ABCA1: variants seen among roughly 807,000 people sequenced by gnomAD.
The protein encoded by ABCA1 is ATP binding cassette subfamily A member 1, also known as phospholipid-transporting ATPase ABCA1.
Under a neutral mutation model 262.5 loss-of-function variants are expected in ABCA1, and 133 were observed. The ratio of observed to expected loss-of-function variants is 0.51; its 90% confidence interval spans 0.44 to 0.59. The LOEUF (loss-of-function observed/expected upper bound fraction) is 0.59. Ranked by LOEUF, ABCA1 falls within the 20% of genes least tolerant of loss-of-function variation. The probability of loss-of-function intolerance (pLI) is 0.00; values close to 1 mark genes in which losing one functional copy is unlikely to be tolerated. For missense variants in ABCA1, 2,452 were observed against 2,777.5 expected (o/e 0.88, Z 2.63); for synonymous variants, 1,022 against 1,043.5 (o/e 0.98, Z 0.40).
chr9:104,869,424 C>G (rs1199578392), intron 5 of ABCA1, among the ~76,000 whole-genome samples: 1 of 152,122 alleles, frequency 6.6e-6, no homozygotes, highest in African/African-American at 2.4e-5. Flanking sequence ...GCTTGTCCAG[C>G]CTTACAAATA....
chr9:104,784,108 C>G lies in ABCA1; in HGVS notation c.*207G>C, dbSNP rs768343668. 1 of 601,268 alleles carries G rather than the reference C, an allele frequency of 1.7e-6. No homozygotes were observed. Among genetic ancestry groups the G allele is most frequent in the Non-Finnish European group, 2.9e-6 (1 of 347,004 alleles). 37.2% of individuals were successfully genotyped at this position (601,268 alleles called of 1,614,324 possible). On this transcript the variant is annotated 3_prime_UTR_variant, in exon 50 of 50. Coordinates refer to ENST00000374736, the MANE Select transcript of ABCA1 (RefSeq NM_005502.4). ...TCAAGTCTTTCACTTGAGAGCCATA[C>G]AAGACATAGGCTACAAAGGCACTGC... is the stretch of plus-strand genomic sequence containing the variant.
intron 5 of ABCA1, among the ~76,000 whole-genome samples, chr9:104,869,553 C>A (rs563461043): frequency 6.6e-6 from 1 of 152,140 alleles, no homozygotes; most frequent in Non-Finnish European, 1.5e-5. Flanking sequence ...GAAGAATAGA[C>A]GATGCCTGCT....
At chr9:104,847,058 C>A (rs1449181421) in intron 7 of ABCA1, among the ~76,000 whole-genome samples, 1 of 152,078 alleles carries the variant, frequency 6.6e-6, no homozygotes, top group Non-Finnish European at 1.5e-5. Context: ...GTTAGGCCTA[C>A]AAGATGACAG....
At chr9:104,829,490 A>C (rs1022240273) in intron 14 of ABCA1, among the ~76,000 whole-genome samples, 1 of 152,250 alleles carries the variant, frequency 6.6e-6, no homozygotes, top group Non-Finnish European at 1.5e-5. Context: ...CTCCAAGGTC[A>C]TCTCACTATT....
intron 22 of ABCA1, 69 bp downstream of exon 22, chr9:104,819,517 A>G (rs1450616759): frequency 1.5e-5 from 24 of 1,607,262 alleles, no homozygotes; most frequent in Non-Finnish European, 2.0e-5. Context: ...CATGAGATAC[A>G]GCCACACTTC....
chr9:104,831,811 T>TTGTTCAGGTTGACACAC lies in ABCA1; in HGVS notation c.1510-1_1525dup (p.Lys509SerfsTer5). ...GACTTCTGTTGCTATGGGTTCTAGC[T>TTGTTCAGGTTGACACAC]TGTTCAGGTTGACACACTGATAGAA... is the stretch of plus-strand genomic sequence containing the variant. On this transcript the variant is annotated stop_gained and frameshift_variant, in exon 13 of 50. Transcript: ENST00000374736. LOFTEE classifies it high-confidence loss of function. 1 of 1,614,220 alleles carries TTGTTCAGGTTGACACAC rather than the reference T, an allele frequency of 6.2e-7. No homozygotes were observed. Among genetic ancestry groups the TTGTTCAGGTTGACACAC allele is most frequent in the Non-Finnish European group, 8.5e-7 (1 of 1,180,048 alleles).
intron 1 of ABCA1, among the ~76,000 whole-genome samples, chr9:104,923,318 T>A (rs984996656): frequency 1.3e-5 from 2 of 152,218 alleles, no homozygotes; most frequent in Non-Finnish European, 2.9e-5. Context: ...TAGGAAAACA[T>A]TTTGAGATCA....
intron 25 of ABCA1, 21 bp from the exon 26 acceptor site, chr9:104,814,496 G>A: frequency 4.3e-6 from 7 of 1,612,932 alleles, no homozygotes; most frequent in Non-Finnish European, 5.9e-6. Flanking sequence ...AGAGAGATGA[G>A]AACATTATAA....
At position 104,884,343 on chromosome 9, in the gene ABCA1, C is replaced by T. The variant is rs1838964070; in HGVS notation, c.302+84G>A. ...CAAAAACAACTTCACTTAAATCCAG[C>T]CATTCAAAATTCTCCAGAGGACAAG... On this transcript the variant is annotated intron_variant, in intron 4 of 49. Coordinates refer to ENST00000374736, the MANE Select transcript of ABCA1 (RefSeq NM_005502.4). The T allele has an allele frequency of 5.2e-6, 8 of 1,550,330 alleles. No individual in the cohort carries two copies. The African/African-American group carries it at 1.1e-4, about 21-fold the overall frequency.
At position 104,809,527 on chromosome 9, in the gene ABCA1, A is replaced by G; in HGVS notation, c.4213T>C (p.Leu1405=). 6.2e-7 allele frequency: 1 copy of G among 1,614,218 alleles called. No homozygotes were observed. The highest frequency in any genetic ancestry group is 1.1e-5 in the South Asian group (1 of 91,082). The change falls in exon 30 of 50, where the codon TTA becomes CTA. Residue 1405 remains leucine, a synonymous_variant. Transcript: ENST00000374736. ...CCAGGGTCTTTGGTGAGGGCGTTTAAGAGTTCCAGGGTTCCCGTGTCCTCA... is the reference window on the plus strand; with the variant it reads ...CCAGGGTCTTTGGTGAGGGCGTTTAGGAGTTCCAGGGTTCCCGTGTCCTCA... The part of the protein sequence containing the change: ...APEDTGTLEL[L]NALTKDPGFG...
chr9:104,825,934 A>C, intron 16 of ABCA1, 47 bp from the exon 17 acceptor site: 63 of 1,593,226 alleles, frequency 4.0e-5, no homozygotes, highest in Middle Eastern at 2.1e-4. Context: ...GGTCAGTCTC[A>C]TTTTTCTATC....
At chr9:104,878,097 T>A (rs1266551611) in intron 5 of ABCA1, among the ~76,000 whole-genome samples, 1 of 152,172 alleles carries the variant, frequency 6.6e-6, no homozygotes, top group Non-Finnish European at 1.5e-5. Context: ...CCAGTCTGTA[T>A]CTCACAGAGA....
Position 104,916,102 on chromosome 9 carries a change from G to A in ABCA1, c.-93+11833C>T, listed in dbSNP as rs1405806261. The stretch of plus-strand genomic sequence containing the variant: ...TAATTCCACTAAATTTGCAAATCCT[G>A]CAACAAGACTGACAACTTAATAAAC... On this transcript the variant is annotated intron_variant, in intron 1 of 49. Transcript: ENST00000374736. Among the ~76,000 whole-genome samples, 11 of 152,136 alleles carry A rather than the reference G, an allele frequency of 7.2e-5. No homozygotes were observed. In the East Asian group the frequency reaches 2.1e-3, roughly 29 times the overall value.
chr9:104,787,290 C>T (rs977823578), intron 46 of ABCA1, among the ~76,000 whole-genome samples: 1 of 151,404 alleles, frequency 6.6e-6, no homozygotes, highest in Non-Finnish European at 1.5e-5. Flanking sequence ...TAAGTATATA[C>T]AAAACAACTT....
intron 8 of ABCA1, among the ~76,000 whole-genome samples, chr9:104,841,682 G>C (rs2487065): frequency 0.12 from 17,839 of 152,040 alleles, 1,101 homozygotes; most frequent in Admixed American, 0.17. Context: ...CTACAACAGT[G>C]TGTGGTGAGG....
intron 2 of ABCA1, among the ~76,000 whole-genome samples, chr9:104,896,280 G>A (rs1274768650): frequency 6.6e-6 from 1 of 152,068 alleles, no homozygotes; most frequent in East Asian, 1.9e-4. Context: ...AGTGAGAATG[G>A]ACACATAAAC....
intron 37 of ABCA1, 80 bp downstream of exon 37, chr9:104,798,341 C>T: frequency 1.3e-6 from 2 of 1,507,678 alleles, no homozygotes; most frequent in Non-Finnish European, 1.8e-6. Flanking sequence ...CTGATGATAG[C>T]CAGAGCTCTT....
intron 11 of ABCA1, among the ~76,000 whole-genome samples, chr9:104,833,470 C>T (rs1833528493): frequency 6.6e-6 from 1 of 152,184 alleles, no homozygotes; most frequent in Non-Finnish European, 1.5e-5. Flanking sequence ...GCACAAGCCA[C>T]CAGCCCAGTG....
rs933547351 is a variant in ABCA1 at position 104,881,855 on chromosome 9, G to A, written c.421+1184C>T. On this transcript the variant is annotated intron_variant, in intron 5 of 49. Coordinates refer to ENST00000374736, the MANE Select transcript of ABCA1 (RefSeq NM_005502.4). The stretch of plus-strand genomic sequence containing the variant: ...GAAACAGCATCTCGATGGCCTGGCT[G>A]CACAGCCAGGAGTTGTCTAAGTGGA... Among the ~76,000 whole-genome samples the A allele has an allele frequency of 1.1e-4, 17 of 151,848 alleles. 2 individuals are homozygous for A. Among genetic ancestry groups the A allele is most frequent in the Admixed American group, 1.0e-3 (16 of 15,264 alleles).
Sources: gnomAD v4.1 joint callset for allele counts (sites outside exome capture counted in the v4.1 genomes callset) on GRCh38, gnomAD v4.1.1 for gene constraint, MANE v1.5 for transcripts, NCBI Gene and HGNC (gene_info 2026-07-23, HGNC 2026-07-21) for gene names.